The following COL24A1 variants were observed in gnomAD, a reference collection of about 807,000 sequenced individuals.
The protein encoded by COL24A1 is collagen type XXIV alpha 1 chain, also known as collagen alpha-1(XXIV) chain.
COL24A1 carries 224 observed loss-of-function variants against 253.9 expected under a neutral mutation model. The ratio of observed to expected loss-of-function variants is 0.88; its 90% CI spans 0.79 to 0.99. The LOEUF (loss-of-function observed/expected upper bound fraction) is 0.99, where lower values mean the gene tolerates loss of function less well. Among genes scored for constraint, COL24A1 ranks in the 50% least tolerant of loss-of-function variants. COL24A1 has a pLI of 0.00. For synonymous variants in COL24A1, 685 were observed against 673.7 expected, an observed-to-expected ratio of 1.02 and a Z score of -0.26; for missense variants, 2,131 against 2,068.5, an observed-to-expected ratio of 1.03 and a Z score of -0.59.
chr1:86,084,852 G>A (rs1279706819), intron 7 of COL24A1, among the ~76,000 whole-genome samples: 3 of 152,234 alleles, frequency 2.0e-5, no homozygotes, highest in African/African-American at 7.2e-5. Context: ...TACCATTAGT[G>A]GGAATGGCAG....
At chr1:86,148,296 T>C (rs1008458458) in intron 1 of COL24A1, among the ~76,000 whole-genome samples, 1 of 152,128 alleles carries the variant, frequency 6.6e-6, no homozygotes, top group Non-Finnish European at 1.5e-5. Flanking sequence ...GCAATTCTCC[T>C]GTCTCAGCCT....
chr1:85,854,690 T>C (rs989632036), intron 37 of COL24A1, among the ~76,000 whole-genome samples: 2 of 151,622 alleles, frequency 1.3e-5, no homozygotes, highest in African/African-American at 4.8e-5. Flanking sequence ...ACCTCCCTGG[T>C]TACTGTATTC....
intron 19 of COL24A1, among the ~76,000 whole-genome samples, chr1:86,007,533 C>A (rs1384262619): frequency 1.3e-5 from 2 of 152,176 alleles, no homozygotes; most frequent in African/African-American, 4.8e-5. Flanking sequence ...ACAGCAGCTT[C>A]ATAACTGCCA....
At chr1:86,120,907 G>A (rs1245165154) in intron 3 of COL24A1, among the ~76,000 whole-genome samples, 1 of 152,170 alleles carries the variant, frequency 6.6e-6, no homozygotes, top group Non-Finnish European at 1.5e-5. Flanking sequence ...GTCCAGCAAT[G>A]ATAGACTGCA....
chr1:85,907,068 T>C (rs922335099), intron 28 of COL24A1, 126 bp downstream of exon 28: 11 of 644,222 alleles, frequency 1.7e-5, no homozygotes, highest in Admixed American at 2.9e-5. Context: ...ATAATGAAAA[T>C]AGAAAAAACC....
intron 55 of COL24A1, 98 bp downstream of exon 55, chr1:85,761,292 TCCAAAA>T: frequency 7.7e-7 from 1 of 1,299,616 alleles, no homozygotes; most frequent in Admixed American, 2.1e-5. Flanking sequence ...AACAGAGGTA[TCCAAAA>T]GGGATACCTT....
intron 7 of COL24A1, 129 bp downstream of exon 7, chr1:86,089,045 T>A: frequency 1.6e-6 from 1 of 628,406 alleles, no homozygotes; most frequent in Non-Finnish European, 2.6e-6. Context: ...CAAAATGAGA[T>A]CATAGTCACT....
intron 22 of COL24A1, among the ~76,000 whole-genome samples, chr1:85,966,817 G>A (rs961839709): frequency 1.3e-5 from 2 of 152,054 alleles, no homozygotes. Flanking sequence ...AGCAGATAGA[G>A]GGAAGAGAAA....
chr1:85,916,210 C>A (rs879863234), intron 24 of COL24A1, among the ~76,000 whole-genome samples: 4 of 152,118 alleles, frequency 2.6e-5, no homozygotes, highest in Admixed American at 2.0e-4. Context: ...CTGTTGAGAT[C>A]CAGATGCACT....
intron 20 of COL24A1, among the ~76,000 whole-genome samples, chr1:85,977,924 T>C (rs1290327833): frequency 6.6e-6 from 1 of 151,992 alleles, no homozygotes; most frequent in Non-Finnish European, 1.5e-5. Flanking sequence ...AGGCACACAG[T>C]CATCAGGTTC....
At chr1:86,033,355 C>T (rs1698739523) in intron 13 of COL24A1, among the ~76,000 whole-genome samples, 1 of 152,040 alleles carries the variant, frequency 6.6e-6, no homozygotes, top group African/African-American at 2.4e-5. Flanking sequence ...TAAAGCTTTT[C>T]TACCTAGCGC....
chr1:85,956,241 C>T (rs535146736), intron 24 of COL24A1, among the ~76,000 whole-genome samples: 1 of 152,256 alleles, frequency 6.6e-6, no homozygotes, highest in East Asian at 1.9e-4. Context: ...AATTAACAGG[C>T]CTTCAATAAA....
intron 43 of COL24A1, among the ~76,000 whole-genome samples, chr1:85,830,818 T>A (rs542368184): frequency 3.9e-5 from 6 of 152,226 alleles, no homozygotes; most frequent in South Asian, 2.1e-4. Context: ...CTGCGCCCAC[T>A]GTCTGGCACT....
intron 55 of COL24A1, among the ~76,000 whole-genome samples, chr1:85,756,649 G>A (rs1666292951): frequency 6.6e-6 from 1 of 152,128 alleles, no homozygotes. Context: ...ATGGAAAACA[G>A]TATGGCAGTT....
intron 28 of COL24A1, among the ~76,000 whole-genome samples, 179 bp from the exon 29 acceptor site, chr1:85,896,588 A>T (rs533708025): frequency 6.6e-6 from 1 of 151,274 alleles, no homozygotes; most frequent in African/African-American, 2.4e-5. Context: ...TCCGCCTCCC[A>T]GGTTCACGCC....
chr1:85,855,047 G>A (rs553421257), intron 37 of COL24A1, among the ~76,000 whole-genome samples: 5 of 152,094 alleles, frequency 3.3e-5, no homozygotes, highest in African/African-American at 1.2e-4. Context: ...GATGTTATTG[G>A]TGTATAGAAA....
At chr1:86,104,605 G>A (rs1704771841) in intron 5 of COL24A1, among the ~76,000 whole-genome samples, 1 of 152,126 alleles carries the variant, frequency 6.6e-6, no homozygotes, top group African/African-American at 2.4e-5. Flanking sequence ...TATAAGGCTG[G>A]CTCAGTCAAC....
chr1:85,763,482 C>A (rs1030902479), intron 53 of COL24A1, among the ~76,000 whole-genome samples: 5 of 139,104 alleles, frequency 3.6e-5, no homozygotes, highest in Admixed American at 3.1e-4. Context: ...TGTTAATTTT[C>A]TTTTACTTTC....
chr1:85,917,871 AT>A (rs1292532213), intron 24 of COL24A1, among the ~76,000 whole-genome samples: 1 of 151,738 alleles, frequency 6.6e-6, no homozygotes, highest in Admixed American at 6.6e-5. Flanking sequence ...CGCCCAGCTA[AT>A]TTTTTTGTAG....
Sources: gnomAD v4.1 joint callset for allele counts (sites outside exome capture counted in the v4.1 genomes callset) on GRCh38, gnomAD v4.1.1 for gene constraint, MANE v1.5 for transcripts, NCBI Gene and HGNC (gene_info 2026-07-23, HGNC 2026-07-21) for gene names.